Variants in EBF2 observed in about 807,000 individuals in gnomAD.
The protein encoded by EBF2 is transcription factor COE2.
Under a neutral mutation model 72.8 loss-of-function variants are expected in EBF2, and 21 were observed. The ratio of observed to expected loss-of-function variants is 0.29; its 90% CI spans 0.20 to 0.42. The LOEUF is 0.42. EBF2 is among the 10% of genes least tolerant of loss of function. The pLI, the probability that EBF2 is intolerant of heterozygous loss-of-function variation, is 1.00. For synonymous variants in EBF2, 299 were observed against 274.2 expected (o/e 1.09, Z -0.89); for missense variants, 637 against 731.2 (o/e 0.87, Z 1.49).
chr8:25,881,759 C>T (rs2117284460), intron 10 of EBF2, among the ~76,000 whole-genome samples: 2 of 152,290 alleles, frequency 1.3e-5, no homozygotes, highest in Non-Finnish European at 2.9e-5. Context: ...CTATAAAAAC[C>T]CCGAGACCCT....
intron 6 of EBF2, among the ~76,000 whole-genome samples, chr8:26,022,100 G>C (rs1268088277): frequency 6.6e-6 from 1 of 152,220 alleles, no homozygotes; most frequent in Non-Finnish European, 1.5e-5. Flanking sequence ...CTTCAGTACA[G>C]TTAGAAGCCT....
chr8:25,870,337 C>T (rs1802414128), intron 10 of EBF2, among the ~76,000 whole-genome samples: 1 of 151,982 alleles, frequency 6.6e-6, no homozygotes, highest in African/African-American at 2.4e-5. Context: ...TGGGTACACT[C>T]ACAACGTGCT....
intron 6 of EBF2, among the ~76,000 whole-genome samples, chr8:25,988,521 GGCTCATATGATCTCA>G (rs977483237): frequency 6.6e-6 from 1 of 152,146 alleles, no homozygotes; most frequent in Non-Finnish European, 1.5e-5. Flanking sequence ...GGAACTAGGA[GGCTCATATGATCTCA>G]GCTTCAGTCA....
chr8:26,033,610 G>A (rs1270573217), intron 5 of EBF2, among the ~76,000 whole-genome samples: 1 of 152,122 alleles, frequency 6.6e-6, no homozygotes, highest in Non-Finnish European at 1.5e-5. Flanking sequence ...GTGCAGGGAG[G>A]GAGAGCCTCA....
chr8:25,847,779 C>G (rs1006107382), intron 15 of EBF2, among the ~76,000 whole-genome samples: 2 of 152,140 alleles, frequency 1.3e-5, no homozygotes, highest in African/African-American at 2.4e-5. Context: ...AAGGATTTCT[C>G]CACACGTCAC....
intron 6 of EBF2, among the ~76,000 whole-genome samples, chr8:25,936,987 G>T (rs1803590085): frequency 6.6e-6 from 1 of 152,120 alleles, no homozygotes. Flanking sequence ...TTATTGAAAT[G>T]CTTGGGTTAG....
intron 6 of EBF2, among the ~76,000 whole-genome samples, chr8:25,916,285 CAA>C (rs58880741): frequency 0.15 from 16,696 of 112,538 alleles, 1,466 homozygotes; most frequent in African/African-American, 0.3. Context: ...GACTCTATCT[CAA>C]AAAAAAAAAA....
intron 1 of EBF2, among the ~76,000 whole-genome samples, chr8:26,043,850 A>G (rs1426869178): frequency 6.6e-6 from 1 of 152,124 alleles, no homozygotes; most frequent in African/African-American, 2.4e-5. Flanking sequence ...CACAAATCCC[A>G]ACTCAGTAGT....
Position 25,951,557 on chromosome 8 carries a change from C to T in EBF2, c.552-43002G>A, listed in dbSNP as rs558675599. On this transcript the variant is annotated intron_variant, in intron 6 of 15. Coordinates refer to ENST00000520164, the MANE Select transcript of EBF2 (RefSeq NM_022659.4). ...ACTTTCCAAGTCATCCAACTCAGTG[C>T]TCCAACCCTTTTAGACAAAGAGGAC... is the stretch of plus-strand genomic sequence containing the variant. 5.3e-5 allele frequency among the ~76,000 whole-genome samples: 8 copies of T among 152,322 alleles called. No homozygotes were observed. The South Asian group carries it at 1.5e-3, about 28-fold the overall frequency.
chr8:26,002,761 G>A (rs887106961), intron 6 of EBF2, among the ~76,000 whole-genome samples: 1 of 152,176 alleles, frequency 6.6e-6, no homozygotes, highest in Non-Finnish European at 1.5e-5. Flanking sequence ...CCCTGGGTGT[G>A]AAGCCTCTTC....
intron 10 of EBF2, among the ~76,000 whole-genome samples, chr8:25,863,389 C>T (rs974598947): frequency 3.9e-5 from 6 of 152,076 alleles, no homozygotes; most frequent in South Asian, 4.1e-4. Flanking sequence ...ACTATGTTCC[C>T]GTTAAGACAG....
At chr8:25,850,880 T>TA (rs913523397) in intron 14 of EBF2, 119 bp from the exon 15 acceptor site, 29,388 of 913,328 alleles carry the variant, frequency 0.032, no homozygotes, top group South Asian at 0.045. Context: ...TTGCAGGGAT[T>TA]AAAAAAAAAA....
At chr8:25,931,796 C>T (rs1358747283) in intron 6 of EBF2, among the ~76,000 whole-genome samples, 2 of 152,180 alleles carry the variant, frequency 1.3e-5, no homozygotes, top group Non-Finnish European at 2.9e-5. Flanking sequence ...GGAAAGACGG[C>T]CATATTTAAT....
chr8:25,865,686 A>G (rs1180719702), intron 10 of EBF2, among the ~76,000 whole-genome samples: 1 of 151,348 alleles, frequency 6.6e-6, no homozygotes, highest in African/African-American at 2.4e-5. Flanking sequence ...TTGGCCTCCC[A>G]GAGTGCTGGG....
intron 7 of EBF2, among the ~76,000 whole-genome samples, chr8:25,902,078 C>A (rs1428070157): frequency 3.3e-5 from 5 of 152,032 alleles, no homozygotes; most frequent in African/African-American, 1.2e-4. Flanking sequence ...TGGAATAGAC[C>A]CAGCCATCCT....
chr8:26,021,778 C>T (rs189581865), intron 6 of EBF2, among the ~76,000 whole-genome samples: 30 of 152,120 alleles, frequency 2.0e-4, no homozygotes, highest in African/African-American at 7.2e-4. Context: ...ACTCTAGATT[C>T]AATGAGAGGG....
rs761079691 is a variant in EBF2 at position 26,042,205 on chromosome 8, T to C, written c.178A>G (p.Asn60Asp). The C allele has an allele frequency of 7.3e-5, 118 of 1,613,918 alleles. No individual in the cohort carries two copies. The highest frequency in any genetic ancestry group is 9.7e-5 in the Non-Finnish European group (115 of 1,179,996). ...RAHFEKQPPS[N>D]LRKSNFFHFV... ...TGAAAGAAGTTGGATTTCCTCAAGT[T>C]GGAAGGAGGCTGTTTCTCAAAGTGG... The change falls in exon 2 of 16, where the codon AAC (asparagine) becomes GAC (aspartate). Residue 60 changes from asparagine to aspartate, a missense_variant. Physicochemically the swap from Asn to Asp is conservative, Grantham distance 23. Coordinates refer to ENST00000520164, the MANE Select transcript of EBF2 (RefSeq NM_022659.4).
At chr8:25,943,320 A>G (rs1803710739) in intron 6 of EBF2, among the ~76,000 whole-genome samples, 1 of 150,204 alleles carries the variant, frequency 6.7e-6, no homozygotes, top group Non-Finnish European at 1.5e-5. Flanking sequence ...ACAAAAAAAA[A>G]AAAAAAAAAA....
At chr8:26,039,076 T>C (rs1440752283) in intron 5 of EBF2, among the ~76,000 whole-genome samples, 1 of 152,026 alleles carries the variant, frequency 6.6e-6, no homozygotes, top group Non-Finnish European at 1.5e-5. Flanking sequence ...CATAATAAAA[T>C]AGCCACACTC....
Sources: allele counts gnomAD v4.1 joint callset (sites outside exome capture counted in the v4.1 genomes callset), GRCh38; gene constraint gnomAD v4.1.1; transcripts MANE v1.5; gene names NCBI Gene and HGNC (gene_info 2026-07-23, HGNC 2026-07-21).